TARS3: variants seen among roughly 807,000 people sequenced by gnomAD.
The protein encoded by TARS3 is threonyl-tRNA synthetase 3.
Under a neutral mutation model 103.5 loss-of-function variants are expected in TARS3, and 94 were observed. That is an observed-to-expected ratio of 0.91 (90% CI 0.77 to 1.08). TARS3 has a LOEUF of 1.08. TARS3 is among the 50% of genes least tolerant of loss of function. The probability of loss-of-function intolerance (pLI) is 0.00; values close to 1 mark genes in which losing one functional copy is unlikely to be tolerated. For missense variants in TARS3, 952 were observed against 995.2 expected (o/e 0.96, Z 0.58); for synonymous variants, 416 against 355.4 (o/e 1.17, Z -1.92).
intron 10 of TARS3, among the ~76,000 whole-genome samples, chr15:101,686,503 G>C (rs547915093): frequency 6.6e-6 from 1 of 152,066 alleles, no homozygotes; most frequent in African/African-American, 2.4e-5. Context: ...AGTGTATAAC[G>C]ATTTAAGTAG....
Position 101,721,299 on chromosome 15 carries a change from T to C in TARS3, c.393A>G (p.Ile131Met), listed in dbSNP as rs1392505832. Residue 131 changes from isoleucine (I) to methionine (M), a missense_variant, in exon 3 of 19, where the codon ATA becomes ATG. Coordinates refer to ENST00000335968, the MANE Select transcript of TARS3 (RefSeq NM_152334.3). The part of the protein sequence containing the change: ...DSEVKHQPIF[I>M]KERLKLFEIL... The stretch of plus-strand genomic sequence containing the variant: ...TTTCAAAAAGCTTCAATCTTTCTTT[T>C]ATGAAAATTGGTTGATGCTTCACCT... The C allele has an allele frequency of 3.1e-6, 5 of 1,611,458 alleles. No homozygotes were observed. The highest frequency in any genetic ancestry group is 1.7e-5 in the Admixed American group (1 of 59,964).
At chr15:101,656,453 C>G (rs564003250) in intron 18 of TARS3, among the ~76,000 whole-genome samples, 1 of 152,232 alleles carries the variant, frequency 6.6e-6, no homozygotes, top group African/African-American at 2.4e-5. Context: ...GATTCTGCAT[C>G]TAATTAGTCA....
At chr15:101,694,254 G>C (rs1163791993) in intron 10 of TARS3, among the ~76,000 whole-genome samples, 1 of 152,200 alleles carries the variant, frequency 6.6e-6, no homozygotes, top group African/African-American at 2.4e-5. Context: ...ATTTCCCTCA[G>C]TGGGAGCAGT....
chr15:101,666,471 T>G (rs1596286466), intron 15 of TARS3, among the ~76,000 whole-genome samples: 1 of 102,628 alleles, frequency 9.7e-6, no homozygotes, highest in African/African-American at 4.0e-5. Flanking sequence ...GCAAGACTCA[T>G]CTCAAAAAAA....
chr15:101,674,324 C>T (rs1016423023), intron 13 of TARS3, among the ~76,000 whole-genome samples: 2 of 152,132 alleles, frequency 1.3e-5, no homozygotes, highest in Non-Finnish European at 2.9e-5. Flanking sequence ...AAAATGCTTC[C>T]TTTAAGTGAA....
intron 10 of TARS3, among the ~76,000 whole-genome samples, chr15:101,693,390 T>C (rs1898820059): frequency 6.6e-6 from 1 of 152,044 alleles, no homozygotes. Flanking sequence ...AAGAGACTTA[T>C]TCACCACCAC....
At chr15:101,654,790 C>G (rs1443781273) in intron 18 of TARS3, 60 bp from the exon 19 acceptor site, 16 of 1,493,250 alleles carry the variant, frequency 1.1e-5, no homozygotes, top group African/African-American at 1.4e-5. Flanking sequence ...AACATTAAGT[C>G]AGCAGTCCCA....
At chr15:101,718,276 G>C (rs1398168867) in intron 3 of TARS3, among the ~76,000 whole-genome samples, 1 of 152,118 alleles carries the variant, frequency 6.6e-6, no homozygotes, top group African/African-American at 2.4e-5. Flanking sequence ...GCTGAGGCAG[G>C]AGAATCGCTT....
intron 4 of TARS3, chr15:101,714,629 AAAG>A: frequency 1.5e-5 from 3 of 201,344 alleles, no homozygotes; most frequent in South Asian, 1.6e-4. Context: ...AAAAAAAAAA[AAAG>A]AAATTATAAA....
chr15:101,693,321 T>G (rs898043589), intron 10 of TARS3, among the ~76,000 whole-genome samples: 1 of 152,124 alleles, frequency 6.6e-6, no homozygotes, highest in Non-Finnish European at 1.5e-5. Flanking sequence ...ACATCTTAAA[T>G]GGCAGCAGGC....
intron 1 of TARS3, 96 bp downstream of exon 1, chr15:101,723,995 C>T: frequency 8.5e-7 from 1 of 1,180,948 alleles, no homozygotes; most frequent in Middle Eastern, 3.1e-4. Context: ...CCCCGGGGCG[C>T]CCCCGCACCT....
chr15:101,704,038 T>C (rs1899417735), intron 7 of TARS3, 101 bp from the exon 8 acceptor site: 2 of 793,154 alleles, frequency 2.5e-6, no homozygotes, highest in African/African-American at 1.8e-5. Context: ...GCTTCACTTA[T>C]TTATATGTAG....
At chr15:101,696,749 T>C (rs185041745) in intron 10 of TARS3, among the ~76,000 whole-genome samples, 8 of 152,316 alleles carry the variant, frequency 5.3e-5, no homozygotes, top group Admixed American at 5.2e-4. Flanking sequence ...ACTCTGTCAC[T>C]AACAACCATT....
chr15:101,671,232 T>A (rs759465626), intron 15 of TARS3, among the ~76,000 whole-genome samples: 4 of 151,900 alleles, frequency 2.6e-5, no homozygotes, highest in Non-Finnish European at 5.9e-5. Flanking sequence ...TCAGGGAGAG[T>A]CAGCAGCCTG....
At chr15:101,658,443 T>C (rs1897260212) in intron 16 of TARS3, among the ~76,000 whole-genome samples, 1 of 150,936 alleles carries the variant, frequency 6.6e-6, no homozygotes, top group African/African-American at 2.4e-5. Context: ...TGTAAATCCA[T>C]TTATGTAATA....
At chr15:101,687,785 G>C (rs576031376) in intron 10 of TARS3, among the ~76,000 whole-genome samples, 2 of 152,240 alleles carry the variant, frequency 1.3e-5, no homozygotes, top group Admixed American at 6.5e-5. Flanking sequence ...AAGTGATTAG[G>C]TCATAAGGGT....
chr15:101,708,770 G>T, intron 6 of TARS3, 23 bp downstream of exon 6: 1 of 1,450,610 alleles, frequency 6.9e-7, no homozygotes. Context: ...CTAGTAAGAG[G>T]TTTAGGAGTT....
At chr15:101,706,593 T>A (rs1195570138) in intron 6 of TARS3, among the ~76,000 whole-genome samples, 3 of 152,188 alleles carry the variant, frequency 2.0e-5, no homozygotes, top group Admixed American at 2.0e-4. Context: ...ATCAATAAAA[T>A]TCTGACAAGG....
At chr15:101,671,824 A>G in intron 13 of TARS3, 76 bp from the exon 14 acceptor site, 2 of 1,146,092 alleles carry the variant, frequency 1.7e-6, no homozygotes, top group Non-Finnish European at 2.6e-6. Flanking sequence ...AAAAGTTACT[A>G]TAACTCTTCA....
Sources: gnomAD v4.1 joint callset for allele counts (sites outside exome capture counted in the v4.1 genomes callset) on GRCh38, gnomAD v4.1.1 for gene constraint, MANE v1.5 for transcripts, NCBI Gene and HGNC (gene_info 2026-07-23, HGNC 2026-07-21) for gene names.